The following LRRTM4 variants were observed in gnomAD, a reference collection of about 807,000 sequenced individuals.
LRRTM4 encodes the protein leucine rich repeat transmembrane neuronal 4, also known as leucine-rich repeat transmembrane neuronal protein 4.
LRRTM4 carries 25 observed loss-of-function variants against 47.6 expected under a neutral mutation model. The ratio of observed to expected loss-of-function variants is 0.53; its 90% CI spans 0.38 to 0.73. The LOEUF (loss-of-function observed/expected upper bound fraction) is 0.73, where lower values mean the gene tolerates loss of function less well. LRRTM4 is among the 30% of genes least tolerant of loss of function. The pLI is 0.00. For synonymous variants in LRRTM4, 311 were observed against 269.5 expected (o/e 1.15, Z -1.51); for missense variants, 638 against 713.4 (o/e 0.89, Z 1.20).
intron 3 of LRRTM4, among the ~76,000 whole-genome samples, chr2:76,993,579 T>C (rs1279788575): frequency 1.3e-5 from 2 of 151,998 alleles, no homozygotes; most frequent in Admixed American, 1.3e-4. Context: ...TAAGTCAGAA[T>C]GGCTATTATT....
intron 3 of LRRTM4, among the ~76,000 whole-genome samples, chr2:77,379,325 A>G (rs1672960800): frequency 6.6e-6 from 1 of 152,154 alleles, no homozygotes; most frequent in Middle Eastern, 3.4e-3. Flanking sequence ...AAAATAATAC[A>G]TTACGTTTAT....
intron 3 of LRRTM4, among the ~76,000 whole-genome samples, chr2:77,060,127 T>A (rs1679739459): frequency 6.6e-6 from 1 of 152,140 alleles, no homozygotes; most frequent in African/African-American, 2.4e-5. Flanking sequence ...ACAACTGGAG[T>A]CAGTTTGTCT....
chr2:76,906,820 A>C (rs559782332), intron 3 of LRRTM4, among the ~76,000 whole-genome samples: 623 of 151,470 alleles, frequency 4.1e-3, no homozygotes, highest in African/African-American at 0.015. Flanking sequence ...ATATGCACCC[A>C]ATACAGGAGC....
intron 3 of LRRTM4, among the ~76,000 whole-genome samples, chr2:77,333,470 C>A (rs867362612): frequency 8.1e-4 from 124 of 152,270 alleles, no homozygotes; most frequent in African/African-American, 2.8e-3. Context: ...GGAAATGGAA[C>A]AAAAGTGACT....
chr2:76,898,241 C>T (rs1358238735), intron 3 of LRRTM4, among the ~76,000 whole-genome samples: 1 of 151,928 alleles, frequency 6.6e-6, no homozygotes, highest in African/African-American at 2.4e-5. Context: ...CAAATTACTT[C>T]TTTTCTCTTA....
chr2:76,991,477 A>G (rs1677007035), intron 3 of LRRTM4, among the ~76,000 whole-genome samples: 1 of 151,734 alleles, frequency 6.6e-6, no homozygotes, highest in African/African-American at 2.4e-5. Flanking sequence ...CAGAAATACA[A>G]AAGATTCTCC....
chr2:76,770,039 C>T (rs889080367), intron 3 of LRRTM4, among the ~76,000 whole-genome samples: 1 of 152,146 alleles, frequency 6.6e-6, no homozygotes, highest in African/African-American at 2.4e-5. Flanking sequence ...TATTCTGATG[C>T]ATACTGTTGC....
intron 3 of LRRTM4, among the ~76,000 whole-genome samples, chr2:76,798,376 C>CAA (rs1675470918): frequency 6.6e-6 from 1 of 151,702 alleles, no homozygotes; most frequent in East Asian, 1.9e-4. Flanking sequence ...AATGAAGGCA[C>CAA]AAATAAGGAT....
intron 3 of LRRTM4, among the ~76,000 whole-genome samples, chr2:76,927,995 A>G (rs888780255): frequency 6.6e-6 from 1 of 152,168 alleles, no homozygotes. Context: ...AAGCTGAATA[A>G]TTTTGTAAAA....
At chr2:77,085,228 A>C (rs1680670566) in intron 3 of LRRTM4, among the ~76,000 whole-genome samples, 1 of 151,970 alleles carries the variant, frequency 6.6e-6, no homozygotes, top group South Asian at 2.1e-4. Context: ...TATATGGTAA[A>C]TCATATAAAC....
intron 3 of LRRTM4, among the ~76,000 whole-genome samples, chr2:76,773,768 T>C (rs976732267): frequency 1.7e-4 from 25 of 150,994 alleles, no homozygotes; most frequent in African/African-American, 5.8e-4. Context: ...CAAATAGAAA[T>C]CTAAAGAGAA....
chr2:76,876,551 A>G (rs1055159006), intron 3 of LRRTM4, among the ~76,000 whole-genome samples: 11 of 152,110 alleles, frequency 7.2e-5, no homozygotes, highest in African/African-American at 2.4e-5. Context: ...CAAAATTAAC[A>G]TATGATGTCT....
intron 3 of LRRTM4, among the ~76,000 whole-genome samples, chr2:77,100,928 C>T (rs11126588): frequency 0.41 from 61,615 of 149,018 alleles, 15,173 homozygotes; most frequent in East Asian, 0.68. Context: ...CTCTGCTTCC[C>T]GAGTTCAAGC....
chr2:76,753,966 T>C (rs988955059), intron 3 of LRRTM4, among the ~76,000 whole-genome samples: 1 of 152,176 alleles, frequency 6.6e-6, no homozygotes. Flanking sequence ...TTGGTCTTAT[T>C]TGTTAACTTT....
rs199733072 is a variant in LRRTM4 at position 77,207,345 on chromosome 2, ATG to A, written c.1551+310971_1551+310972del. Among the ~76,000 whole-genome samples, 612 of 101,622 alleles carry A rather than the reference ATG, an allele frequency of 6.0e-3. 23 individuals are homozygous for A. The highest frequency in any genetic ancestry group is 0.031 in the South Asian group (97 of 3,102). 66.7% of individuals were successfully genotyped at this position (101,622 alleles called of 152,430 possible). On this transcript the variant is annotated intron_variant, in intron 3 of 3. Transcript: ENST00000409884. ...GTTTATGTTTTTCCTAATTTCATAT[ATG>A]TGTATATATATATATATATATATAT... is the stretch of plus-strand genomic sequence containing the variant.
intron 3 of LRRTM4, among the ~76,000 whole-genome samples, chr2:77,179,010 T>C (rs1365307806): frequency 6.6e-6 from 1 of 152,216 alleles, no homozygotes; most frequent in Admixed American, 6.5e-5. Context: ...GATTCAATAT[T>C]AGTCAAATCA....
chr2:77,206,183 T>C (rs1674120680), intron 3 of LRRTM4, among the ~76,000 whole-genome samples: 1 of 148,896 alleles, frequency 6.7e-6, no homozygotes. Context: ...AATTCTATTT[T>C]TTTTTTTTTT....
At chr2:76,909,685 G>A (rs1349870806) in intron 3 of LRRTM4, among the ~76,000 whole-genome samples, 4 of 151,994 alleles carry the variant, frequency 2.6e-5, no homozygotes, top group African/African-American at 7.3e-5. Context: ...GTGGGCGAAG[G>A]ACATGAACAG....
chr2:76,825,119 T>C (rs1449041202), intron 3 of LRRTM4, among the ~76,000 whole-genome samples: 1 of 151,578 alleles, frequency 6.6e-6, no homozygotes, highest in Admixed American at 6.6e-5. Context: ...AGATAAGGGG[T>C]AAAATATTTT....
Sources: gnomAD v4.1 joint callset for allele counts (sites outside exome capture counted in the v4.1 genomes callset) on GRCh38, gnomAD v4.1.1 for gene constraint, MANE v1.5 for transcripts, NCBI Gene and HGNC (gene_info 2026-07-23, HGNC 2026-07-21) for gene names.